The following GALNTL6 variants were observed in gnomAD, a reference collection of about 807,000 sequenced individuals.
GALNTL6 encodes the protein polypeptide N-acetylgalactosaminyltransferase like 6.
Under a neutral mutation model 73.7 loss-of-function variants are expected in GALNTL6, and 46 were observed. That is an observed-to-expected ratio of 0.62 (90% CI 0.49 to 0.80). The LOEUF is 0.80. GALNTL6 is among the 30% of genes least tolerant of loss of function. The pLI is 0.00. For synonymous variants in GALNTL6, 259 were observed against 263.7 expected (o/e 0.98, Z 0.17); for missense variants, 604 against 755.0 (o/e 0.80, Z 2.34).
chr4:172,830,441 GCC>G (rs1560980759), intron 7 of GALNTL6, among the ~76,000 whole-genome samples: 38 of 964 alleles, frequency 0.039, no homozygotes, highest in African/African-American at 0.054. Flanking sequence ...GTGTTATACT[GCC>G]ACTGCCACCT....
At chr4:172,052,385 T>A (rs1730900383) in intron 2 of GALNTL6, 1 of 1,292,796 alleles carries the variant, frequency 7.7e-7, no homozygotes, top group Non-Finnish European at 1.1e-6. Flanking sequence ...CACCTTCACA[T>A]CCTTCATAGT....
chr4:171,966,530 C>T (rs1739386334), intron 2 of GALNTL6, among the ~76,000 whole-genome samples: 2 of 152,082 alleles, frequency 1.3e-5, no homozygotes, highest in South Asian at 4.2e-4. Flanking sequence ...TGGACTCCAA[C>T]ATCTGGAATG....
chr4:172,510,281 T>A lies in GALNTL6; in HGVS notation c.553+161592T>A, dbSNP rs574584905. 3.6e-5 allele frequency among the ~76,000 whole-genome samples: 2 copies of A among 55,290 alleles called. 1 individual carries two copies. Among genetic ancestry groups the A allele is most frequent in the Non-Finnish European group, 8.4e-5 (2 of 23,882 alleles). The allele number at this position is 55,290 out of a possible 152,430, so 36.3% of individuals were successfully genotyped here. ...TATATAACAGTACTACTGATTTGTG[T>A]ATATGAATTTTGTATCCTGAAACTT... On this transcript the variant is annotated intron_variant, in intron 5 of 12. Transcript: ENST00000506823.
chr4:172,351,458 G>T (rs986406113), intron 5 of GALNTL6, among the ~76,000 whole-genome samples: 5 of 152,086 alleles, frequency 3.3e-5, no homozygotes, highest in Admixed American at 2.6e-4. Context: ...CATGGCCTTA[G>T]AAGAGTGTTT....
intron 3 of GALNTL6, among the ~76,000 whole-genome samples, chr4:172,277,923 C>G (rs1330232271): frequency 6.6e-6 from 1 of 152,088 alleles, no homozygotes; most frequent in East Asian, 1.9e-4. Flanking sequence ...AATTAAAACA[C>G]AAAGAAGAGT....
intron 5 of GALNTL6, among the ~76,000 whole-genome samples, chr4:172,715,555 T>A (rs936538579): frequency 5.3e-5 from 8 of 152,178 alleles, no homozygotes; most frequent in African/African-American, 1.9e-4. Flanking sequence ...CTGCTAGTAT[T>A]TATAAATAAC....
intron 5 of GALNTL6, among the ~76,000 whole-genome samples, chr4:172,771,270 A>G (rs1052849166): frequency 5.9e-5 from 9 of 152,214 alleles, no homozygotes; most frequent in Admixed American, 2.6e-4. Flanking sequence ...AACAAATAGC[A>G]GTTGTTTTCC....
At chr4:172,012,078 G>A (rs4493496) in intron 2 of GALNTL6, among the ~76,000 whole-genome samples, 151,778 of 152,204 alleles carry the variant, frequency 1, 75,676 homozygotes, top group Middle Eastern at 1. Context: ...CAAGTTAAAC[G>A]AACTCTGTAA....
chr4:171,852,994 C>G (rs1029729507), intron 2 of GALNTL6, among the ~76,000 whole-genome samples: 2 of 150,552 alleles, frequency 1.3e-5, no homozygotes, highest in African/African-American at 2.4e-5. Flanking sequence ...CTACAGGCGC[C>G]GCCACCACGC....
intron 2 of GALNTL6, among the ~76,000 whole-genome samples, chr4:172,008,616 A>G (rs1036927183): frequency 6.6e-5 from 10 of 152,134 alleles, no homozygotes; most frequent in Non-Finnish European, 1.5e-4. Context: ...GTATCAAACC[A>G]CTAAGAACAA....
chr4:172,289,763 C>T (rs1739398596), intron 3 of GALNTL6, among the ~76,000 whole-genome samples: 1 of 152,162 alleles, frequency 6.6e-6, no homozygotes, highest in South Asian at 2.1e-4. Flanking sequence ...CAGGTTCCCT[C>T]AAGCTCTGCA....
chr4:171,871,199 C>T (rs1736126414), intron 2 of GALNTL6, among the ~76,000 whole-genome samples: 1 of 152,074 alleles, frequency 6.6e-6, no homozygotes, highest in East Asian at 1.9e-4. Flanking sequence ...AAAATGCACA[C>T]AGTACAGAAT....
chr4:172,871,815 G>C (rs1016433703), intron 7 of GALNTL6, among the ~76,000 whole-genome samples: 2 of 151,056 alleles, frequency 1.3e-5, no homozygotes, highest in East Asian at 1.9e-4. Flanking sequence ...ATGGAGTTTC[G>C]CTCTTTCACC....
At chr4:172,110,818 C>T (rs1203924084) in intron 2 of GALNTL6, among the ~76,000 whole-genome samples, 1 of 152,038 alleles carries the variant, frequency 6.6e-6, no homozygotes, top group Non-Finnish European at 1.5e-5. Flanking sequence ...TACTGACACC[C>T]ATAACTCCTA....
intron 2 of GALNTL6, among the ~76,000 whole-genome samples, chr4:172,179,216 C>G (rs375588702): frequency 6.6e-6 from 1 of 151,008 alleles, no homozygotes; most frequent in Non-Finnish European, 1.5e-5. Flanking sequence ...TTCTAGATCC[C>G]TGAGGAATCG....
intron 2 of GALNTL6, among the ~76,000 whole-genome samples, chr4:172,023,101 T>A (rs1196693940): frequency 6.6e-6 from 1 of 151,938 alleles, no homozygotes; most frequent in Non-Finnish European, 1.5e-5. Flanking sequence ...ATTGAAGAGG[T>A]GTCTCTTATC....
chr4:172,488,841 G>A (rs1733790053), intron 5 of GALNTL6, among the ~76,000 whole-genome samples: 1 of 135,742 alleles, frequency 7.4e-6, no homozygotes, highest in Admixed American at 7.4e-5. Flanking sequence ...TCCTGGGGTG[G>A]GGGTGGGGGG....
At chr4:172,414,307 C>A (rs2111349351) in intron 5 of GALNTL6, among the ~76,000 whole-genome samples, 1 of 152,204 alleles carries the variant, frequency 6.6e-6, no homozygotes, top group African/African-American at 2.4e-5. Context: ...TACAGAATTG[C>A]CATCATCCAA....
chr4:172,003,121 C>A (rs2110763092), intron 2 of GALNTL6, among the ~76,000 whole-genome samples: 1 of 152,204 alleles, frequency 6.6e-6, no homozygotes, highest in African/African-American at 2.4e-5. Context: ...TTCCTGATGG[C>A]TTCCAGCAGC....
Sources: gnomAD v4.1 joint callset for allele counts (sites outside exome capture counted in the v4.1 genomes callset) on GRCh38, gnomAD v4.1.1 for gene constraint, MANE v1.5 for transcripts, NCBI Gene and HGNC (gene_info 2026-07-23, HGNC 2026-07-21) for gene names.